USP14: variants seen among roughly 807,000 people sequenced by gnomAD.
USP14 encodes the protein ubiquitin carboxyl-terminal hydrolase 14.
In USP14, 38 loss-of-function variants were observed where a neutral mutation model predicts 76.5. The ratio of observed to expected loss-of-function variants is 0.50; its 90% CI spans 0.38 to 0.65. The LOEUF is 0.65. Among genes scored for constraint, USP14 ranks in the 30% least tolerant of loss-of-function variants. The probability of loss-of-function intolerance (pLI) is 0.00; values close to 1 mark genes in which losing one functional copy is unlikely to be tolerated. For synonymous variants in USP14, 192 were observed against 191.7 expected (o/e 1.00, Z -0.01); for missense variants, 467 against 586.5 (o/e 0.80, Z 2.10).
intron 5 of USP14, among the ~76,000 whole-genome samples, chr18:188,746 C>T (rs796889037): frequency 5.9e-5 from 9 of 152,088 alleles, no homozygotes; most frequent in African/African-American, 1.9e-4. Context: ...GGCATGATCT[C>T]GGCTCACTGC....
chr18:172,019 G>T (rs1909478174), intron 3 of USP14, among the ~76,000 whole-genome samples: 1 of 152,144 alleles, frequency 6.6e-6, no homozygotes, highest in Admixed American at 6.6e-5. Context: ...GACAGGAGGA[G>T]AGCTTCAGGC....
chr18:191,863 A>G lies in USP14; in HGVS notation c.405-979A>G, dbSNP rs144022744. On this transcript the variant is annotated intron_variant, in intron 5 of 15. Coordinates refer to ENST00000261601, the MANE Select transcript of USP14 (RefSeq NM_005151.4). ...TACACATAGTTTAATCATAGTGTAT[A>G]TGCAGTCTCCCTCTCACTTCAGTGT... 5.1e-4 allele frequency among the ~76,000 whole-genome samples: 78 copies of G among 152,326 alleles called. 1 individual carries two copies. In the East Asian group the frequency reaches 0.011, roughly 21 times the overall value.
chr18:160,785 T>G (rs1284313893), intron 1 of USP14, among the ~76,000 whole-genome samples: 1 of 152,206 alleles, frequency 6.6e-6, no homozygotes, highest in Admixed American at 6.5e-5. Context: ...ATTTTAGTGA[T>G]TACAGTATGC....
intron 5 of USP14, among the ~76,000 whole-genome samples, chr18:188,350 A>G (rs893481851): frequency 6.6e-6 from 1 of 152,142 alleles, no homozygotes; most frequent in Non-Finnish European, 1.5e-5. Context: ...TTTGTGATAC[A>G]TTATGTTAAT....
At chr18:163,209 G>C in intron 1 of USP14, 99 bp from the exon 2 acceptor site, 1 of 1,128,436 alleles carries the variant, frequency 8.9e-7, no homozygotes, top group Non-Finnish European at 1.2e-6. Flanking sequence ...TGAATGACAT[G>C]TTTTGACTCC....
chr18:210,584 T>A, intron 15 of USP14, 91 bp downstream of exon 15: 1 of 870,440 alleles, frequency 1.1e-6, no homozygotes, highest in Non-Finnish European at 1.7e-6. Context: ...AAACTTTGGG[T>A]CTCAGAACCA....
rs1910677186 is a variant in USP14 at position 211,820 on chromosome 18, T to C, written c.*536T>C. ...TGGAAACATGGGCACAATCAAGTAT[T>C]TGTCCAGCCTATTGCAGGCTTTTCC... On this transcript the variant is annotated 3_prime_UTR_variant, in exon 16 of 16. Coordinates refer to ENST00000261601, the MANE Select transcript of USP14 (RefSeq NM_005151.4). The C allele has an allele frequency of 6.6e-6, 1 of 152,664 alleles. No individual in the cohort carries two copies. Among genetic ancestry groups the C allele is most frequent in the African/African-American group, 2.4e-5 (1 of 41,444 alleles). 9.5% of individuals were successfully genotyped at this position (152,664 alleles called of 1,614,324 possible).
intron 6 of USP14, among the ~76,000 whole-genome samples, chr18:194,548 A>G (rs1044958441): frequency 6.6e-6 from 1 of 152,176 alleles, no homozygotes; most frequent in African/African-American, 2.4e-5. Context: ...TTTCTGAACC[A>G]TTTTAGAATA....
At chr18:183,603 A>AAT (rs1302242739) in intron 5 of USP14, among the ~76,000 whole-genome samples, 4 of 152,104 alleles carry the variant, frequency 2.6e-5, no homozygotes, top group Non-Finnish European at 5.9e-5. Flanking sequence ...GTTCTGTCTT[A>AAT]CATTTTACTG....
At position 158,697 on chromosome 18, in the gene USP14, C is replaced by T; in HGVS notation, c.-2C>T. On this transcript the variant is annotated 5_prime_UTR_variant, in exon 1 of 16. Coordinates refer to ENST00000261601, the MANE Select transcript of USP14 (RefSeq NM_005151.4). ...CGCCGCCGCCTCCCGCCGCGCCCCGCCATGCCGCTCTACTCCGGTGAGCCC... is the reference window on the plus strand; with the variant it reads ...CGCCGCCGCCTCCCGCCGCGCCCCGTCATGCCGCTCTACTCCGGTGAGCCC... 2 of 1,534,932 alleles carry T rather than the reference C, an allele frequency of 1.3e-6. No individual in the cohort carries two copies. Among genetic ancestry groups the T allele is most frequent in the Admixed American group, 1.9e-5 (1 of 52,668 alleles).
chr18:209,149 C>T (rs1215653410), intron 13 of USP14, among the ~76,000 whole-genome samples: 3 of 151,004 alleles, frequency 2.0e-5, no homozygotes, highest in Non-Finnish European at 4.4e-5. Context: ...TTGTGGGTTA[C>T]TTGAACTGTG....
Position 211,296 on chromosome 18 carries a change from G to GT in USP14, c.*13dup. 1 of 1,596,376 alleles carries GT rather than the reference G, an allele frequency of 6.3e-7. No homozygotes were observed. The highest frequency in any genetic ancestry group is 1.3e-5 in the African/African-American group (1 of 74,394). ...AAAGTGAACAGTAATCTTCATTTTA[G>GT]TATTTATGCTTAGATGTGAAAATAA... On this transcript the variant is annotated 3_prime_UTR_variant, in exon 16 of 16. Transcript: ENST00000261601.
At position 158,569 on chromosome 18, in the gene USP14, T is replaced by C; in HGVS notation, c.-130T>C. Reference sequence around the variant, plus strand: ...CAGTGGCCGGTTTGAATGAGACTCGTCGCACCGAAGCCGCCGCCACCACCG... The same window carrying C: ...CAGTGGCCGGTTTGAATGAGACTCGCCGCACCGAAGCCGCCGCCACCACCG... On this transcript the variant is annotated 5_prime_UTR_variant, in exon 1 of 16. Coordinates refer to ENST00000261601, the MANE Select transcript of USP14 (RefSeq NM_005151.4). 1 of 924,046 alleles carries C rather than the reference T, an allele frequency of 1.1e-6. No individual in the cohort carries two copies. The highest frequency in any genetic ancestry group is 1.6e-6 in the Non-Finnish European group (1 of 633,218). 57.2% of individuals were successfully genotyped at this position (924,046 alleles called of 1,614,324 possible). A position where few individuals can be genotyped will look rare whatever the true frequency, so the allele number is the denominator to read the frequency against.
At chr18:194,075 G>A (rs1224539229) in intron 6 of USP14, among the ~76,000 whole-genome samples, 2 of 152,134 alleles carry the variant, frequency 1.3e-5, no homozygotes, top group Admixed American at 6.5e-5. Flanking sequence ...TGATTTCTCT[G>A]TCTCCTTACC....
At chr18:210,941 G>A (rs1192468237) in intron 15 of USP14, among the ~76,000 whole-genome samples, 192 bp from the exon 16 acceptor site, 1 of 152,178 alleles carries the variant, frequency 6.6e-6, no homozygotes, top group Non-Finnish European at 1.5e-5. Flanking sequence ...TGGTGTCATT[G>A]AAGTAGTTGT....
At chr18:163,990 C>G (rs527582413) in intron 2 of USP14, among the ~76,000 whole-genome samples, 2 of 152,276 alleles carry the variant, frequency 1.3e-5, no homozygotes, top group East Asian at 3.9e-4. Context: ...AGGGAACTAG[C>G]AGGTAATGAT....
intron 1 of USP14, among the ~76,000 whole-genome samples, chr18:160,363 A>C (rs1043402618): frequency 1.3e-5 from 2 of 152,214 alleles, no homozygotes; most frequent in African/African-American, 4.8e-5. Context: ...GGATAAGTGC[A>C]GTTAAAAATT....
intron 6 of USP14, 148 bp from the exon 7 acceptor site, chr18:196,489 A>T (rs976099809): frequency 1.4e-5 from 11 of 760,962 alleles, no homozygotes; most frequent in African/African-American, 7.2e-5. Context: ...GCGCCACTGC[A>T]CTCCAGCCTG....
At chr18:192,594 G>GT (rs1910120642) in intron 5 of USP14, among the ~76,000 whole-genome samples, 1 of 151,982 alleles carries the variant, frequency 6.6e-6, no homozygotes, top group African/African-American at 2.4e-5. Context: ...TAAAATGTTC[G>GT]TTTTATATGA....
Sources: allele counts gnomAD v4.1 joint callset (sites outside exome capture counted in the v4.1 genomes callset), GRCh38; gene constraint gnomAD v4.1.1; transcripts MANE v1.5; gene names NCBI Gene and HGNC (gene_info 2026-07-23, HGNC 2026-07-21).